ARL15: variants seen among roughly 807,000 people sequenced by gnomAD.
ARL15 encodes the protein ARF like GTPase 15, also known as ADP-ribosylation factor-like protein 15.
In ARL15, 19 loss-of-function variants were observed where a neutral mutation model predicts 25.2. That is an observed-to-expected ratio of 0.75 (90% CI 0.53 to 1.10). ARL15 has a LOEUF of 1.10. ARL15 is among the 50% of genes least tolerant of loss of function. The probability of loss-of-function intolerance (pLI) is 0.00; values close to 1 mark genes in which losing one functional copy is unlikely to be tolerated. For missense variants in ARL15, 220 were observed against 246.0 expected, an observed-to-expected ratio of 0.89 and a Z score of 0.71; for synonymous variants, 94 against 86.8, an observed-to-expected ratio of 1.08 and a Z score of -0.46.
intron 1 of ARL15, among the ~76,000 whole-genome samples, chr5:54,176,769 G>C (rs1196638813): frequency 2.0e-5 from 3 of 152,198 alleles, no homozygotes; most frequent in Non-Finnish European, 4.4e-5. Context: ...AGGATGTTAT[G>C]AGGCCTGGGT....
chr5:54,251,441 C>T (rs972079429), intron 1 of ARL15, among the ~76,000 whole-genome samples: 4 of 152,164 alleles, frequency 2.6e-5, no homozygotes, highest in Non-Finnish European at 4.4e-5. Flanking sequence ...TAGTCAACAG[C>T]AACAGTTTGT....
chr5:53,956,065 ATGC>A lies in ARL15; in HGVS notation c.463-69355_463-69353del, dbSNP rs1156613453. 1.3e-5 allele frequency among the ~76,000 whole-genome samples: 2 copies of A among 152,094 alleles called. 1 individual carries two copies. The highest frequency in any genetic ancestry group is 4.1e-4 in the South Asian group (2 of 4,830). On this transcript the variant is annotated intron_variant, in intron 4 of 4. Coordinates refer to ENST00000504924, the MANE Select transcript of ARL15 (RefSeq NM_019087.3). Reference sequence around the variant, plus strand: ...TATATACTAGAGAATTTACAAAGTCATGCACATACCCACAGCATGATATACATT... The same window carrying A: ...TATATACTAGAGAATTTACAAAGTCAACATACCCACAGCATGATATACATT...
intron 4 of ARL15, among the ~76,000 whole-genome samples, chr5:54,046,171 A>C (rs1750504266): frequency 6.6e-6 from 1 of 152,188 alleles, no homozygotes; most frequent in Non-Finnish European, 1.5e-5. Flanking sequence ...GACCATAAGG[A>C]ACATACAATT....
intron 4 of ARL15, among the ~76,000 whole-genome samples, chr5:54,042,595 A>G (rs963836124): frequency 1.3e-5 from 2 of 152,214 alleles, no homozygotes; most frequent in Non-Finnish European, 2.9e-5. Context: ...CTCTACCCCA[A>G]TCTTTCTACT....
chr5:54,246,642 C>T (rs1757091567), intron 1 of ARL15, among the ~76,000 whole-genome samples: 1 of 152,124 alleles, frequency 6.6e-6, no homozygotes, highest in South Asian at 2.1e-4. Flanking sequence ...GCTTTTATCT[C>T]TTACATGTGT....
At chr5:54,257,076 G>A (rs1490353523) in intron 1 of ARL15, among the ~76,000 whole-genome samples, 1 of 152,174 alleles carries the variant, frequency 6.6e-6, no homozygotes, top group East Asian at 1.9e-4. Context: ...ACGTAGTACT[G>A]GAAGTCCTAG....
chr5:53,977,262 A>G (rs2111565614), intron 4 of ARL15, among the ~76,000 whole-genome samples: 1 of 150,408 alleles, frequency 6.6e-6, no homozygotes, highest in East Asian at 2.0e-4. Flanking sequence ...AGGCTGAGGC[A>G]GGAGAATGGC....
chr5:54,217,443 G>T (rs928868834), intron 1 of ARL15, among the ~76,000 whole-genome samples: 3 of 152,012 alleles, frequency 2.0e-5, no homozygotes, highest in Non-Finnish European at 4.4e-5. Context: ...TTTCTGTAAT[G>T]CATGTTCCTA....
At chr5:54,156,325 C>T (rs530642252) in intron 2 of ARL15, among the ~76,000 whole-genome samples, 10 of 152,302 alleles carry the variant, frequency 6.6e-5, no homozygotes, top group African/African-American at 2.4e-4. Context: ...ACCTACTAGC[C>T]TTGCTCGACT....
chr5:54,203,109 C>T (rs940974053), intron 1 of ARL15, among the ~76,000 whole-genome samples: 1 of 152,016 alleles, frequency 6.6e-6, no homozygotes, highest in Non-Finnish European at 1.5e-5. Flanking sequence ...ACAACTTGGC[C>T]TCATTTACTC....
chr5:53,978,616 T>G (rs1748018328), intron 4 of ARL15, among the ~76,000 whole-genome samples: 1 of 54,636 alleles, frequency 1.8e-5, no homozygotes, highest in African/African-American at 5.3e-5. Flanking sequence ...GGAGACCCTG[T>G]CTCTACAAAA....
intron 4 of ARL15, among the ~76,000 whole-genome samples, chr5:53,952,774 A>G (rs761585072): frequency 9.2e-5 from 14 of 152,228 alleles, no homozygotes; most frequent in Non-Finnish European, 1.9e-4. Flanking sequence ...AAACATTCAA[A>G]TAAGAAACAG....
chr5:53,921,029 C>A (rs1050107999), intron 4 of ARL15, among the ~76,000 whole-genome samples: 2 of 152,184 alleles, frequency 1.3e-5, no homozygotes, highest in Non-Finnish European at 2.9e-5. Flanking sequence ...TGAATAACTA[C>A]AAGGAGCAGA....
chr5:54,220,604 T>C (rs1018872758), intron 1 of ARL15, among the ~76,000 whole-genome samples: 1 of 152,234 alleles, frequency 6.6e-6, no homozygotes, highest in Admixed American at 6.5e-5. Context: ...TTTAATATAA[T>C]AAGCACCTTC....
chr5:53,937,934 A>C (rs2112074446), intron 4 of ARL15, among the ~76,000 whole-genome samples: 1 of 152,054 alleles, frequency 6.6e-6, no homozygotes, highest in East Asian at 1.9e-4. Flanking sequence ...TATCATCACC[A>C]CTCTGGGGTA....
intron 4 of ARL15, among the ~76,000 whole-genome samples, chr5:54,061,564 G>T (rs1751061880): frequency 6.6e-6 from 1 of 152,054 alleles, no homozygotes; most frequent in Admixed American, 6.6e-5. Flanking sequence ...GAACTCCACT[G>T]AACTCTAGCC....
intron 1 of ARL15, among the ~76,000 whole-genome samples, chr5:54,260,896 A>G (rs1757483053): frequency 1.3e-5 from 2 of 152,166 alleles, no homozygotes; most frequent in South Asian, 4.1e-4. Flanking sequence ...AAGTATCCCA[A>G]TCTCAGAACT....
chr5:54,188,176 A>G (rs1755291591), intron 1 of ARL15, among the ~76,000 whole-genome samples: 1 of 152,224 alleles, frequency 6.6e-6, no homozygotes, highest in Admixed American at 6.5e-5. Flanking sequence ...ATTTATGGTT[A>G]GCAATAAATA....
chr5:54,010,749 C>T (rs1310615376), intron 4 of ARL15, among the ~76,000 whole-genome samples: 1 of 152,062 alleles, frequency 6.6e-6, no homozygotes, highest in African/African-American at 2.4e-5. Context: ...CGGTGGCTCA[C>T]GCTTGTAATC....
Sources: gnomAD v4.1 joint callset for allele counts (sites outside exome capture counted in the v4.1 genomes callset) on GRCh38, gnomAD v4.1.1 for gene constraint, MANE v1.5 for transcripts, NCBI Gene and HGNC (gene_info 2026-07-23, HGNC 2026-07-21) for gene names.